The following KHDRBS2 variants were observed in gnomAD, a reference collection of about 807,000 sequenced individuals.
KHDRBS2 encodes KH domain-containing, RNA-binding, signal transduction-associated protein 2.
In KHDRBS2, 26 loss-of-function variants were observed where a neutral mutation model predicts 44.3. That is an observed-to-expected ratio of 0.59 (90% confidence interval 0.43 to 0.81). The LOEUF is 0.81. Among genes scored for constraint, KHDRBS2 ranks in the 40% least tolerant of loss-of-function variants. The pLI is 0.00. For synonymous variants in KHDRBS2, 194 were observed against 151.1 expected (o/e 1.28, Z -2.08); for missense variants, 476 against 433.1 (o/e 1.10, Z -0.88).
In KHDRBS2 at chr6:62,204,076, A is replaced by G. The variant is rs181991538; in HGVS notation, c.92-26764T>C. Among the ~76,000 whole-genome samples, 46 of 152,220 alleles carry G rather than the reference A, an allele frequency of 3.0e-4. 1 individual carries two copies. The highest frequency in any genetic ancestry group is 2.2e-3 in the Admixed American group (34 of 15,278). Reference sequence around the variant, plus strand: ...TTCCACCATGAGTGGAAGCAGCTTGAGGCCCTCACCAGAAGCAGATGCTGG... The same window carrying G: ...TTCCACCATGAGTGGAAGCAGCTTGGGGCCCTCACCAGAAGCAGATGCTGG... On this transcript the variant is annotated intron_variant, in intron 1 of 8. Coordinates refer to ENST00000281156, the MANE Select transcript of KHDRBS2 (RefSeq NM_152688.4).
chr6:61,833,634 A>T (rs1792183276), intron 6 of KHDRBS2, among the ~76,000 whole-genome samples: 1 of 152,120 alleles, frequency 6.6e-6, no homozygotes, highest in African/African-American at 2.4e-5. Flanking sequence ...ATCATTCATC[A>T]TTCGAGGTAG....
rs59518436 is a variant in KHDRBS2 at position 61,869,964 on chromosome 6, G to GTTTTTTTTTTTTTTTTTTTTTTTTTT, written c.810+24670_810+24671insAAAAAAAAAAAAAAAAAAAAAAAAAA. Among the ~76,000 whole-genome samples the GTTTTTTTTTTTTTTTTTTTTTTTTTT allele has an allele frequency of 2.0e-4, 22 of 109,012 alleles. 1 individual carries two copies. Among genetic ancestry groups the GTTTTTTTTTTTTTTTTTTTTTTTTTT allele is most frequent in the African/African-American group, 7.9e-4 (21 of 26,418 alleles). 71.5% of individuals were successfully genotyped at this position (109,012 alleles called of 152,430 possible). A position where few individuals can be genotyped will look rare whatever the true frequency, so the allele number is the denominator to read the frequency against. On this transcript the variant is annotated intron_variant, in intron 6 of 8. Coordinates refer to ENST00000281156, the MANE Select transcript of KHDRBS2 (RefSeq NM_152688.4). ...TAGACACCGAACTAGCTGCAGGAGT[G>GTTTTTTTTTTTTTTTTTTTTTTTTTT]TTTTTTTTTTTTTTTTTTTTTTTCC...
chr6:61,877,072 C>T (rs926211038), intron 6 of KHDRBS2, among the ~76,000 whole-genome samples: 2 of 151,998 alleles, frequency 1.3e-5, no homozygotes, highest in Non-Finnish European at 2.9e-5. Flanking sequence ...TTGTGTATAG[C>T]CACTTTTGTG....
chr6:61,576,893 A>G, the KHDRBS2 span, among the ~76,000 whole-genome samples: 1 of 152,122 alleles, frequency 6.6e-6, no homozygotes, highest in Non-Finnish European at 1.5e-5. Context: ...ACCTTTGGAG[A>G]AACTTAGCTT....
chr6:61,626,309 A>T, the KHDRBS2 span, among the ~76,000 whole-genome samples: 1 of 152,172 alleles, frequency 6.6e-6, no homozygotes, highest in African/African-American at 2.4e-5. Context: ...GATACATGTG[A>T]GTATTGTTGC....
At chr6:62,285,445 CA>C (rs1842353103) in intron 1 of KHDRBS2, among the ~76,000 whole-genome samples, 1 of 152,174 alleles carries the variant, frequency 6.6e-6, no homozygotes, top group East Asian at 1.9e-4. Flanking sequence ...CTAAATGCAG[CA>C]AAAAATAAAA....
rs566314950 is a variant in KHDRBS2 at position 62,124,972 on chromosome 6, T to C, written c.219+52213A>G. Reference sequence around the variant, plus strand: ...GTTATATCATATTGTGGTTTTAATTTGCATTTCTCTGATAATTAGGGACAC... The same window carrying C: ...GTTATATCATATTGTGGTTTTAATTCGCATTTCTCTGATAATTAGGGACAC... On this transcript the variant is annotated intron_variant, in intron 2 of 8. Coordinates refer to ENST00000281156, the MANE Select transcript of KHDRBS2 (RefSeq NM_152688.4). Among the ~76,000 whole-genome samples, 3 of 152,334 alleles carry C rather than the reference T, an allele frequency of 2.0e-5. No individual in the cohort carries two copies. The East Asian group carries it at 5.8e-4, about 29-fold the overall frequency.
chr6:61,949,853 T>A (rs986838139), intron 4 of KHDRBS2, among the ~76,000 whole-genome samples: 7 of 152,102 alleles, frequency 4.6e-5, no homozygotes, highest in African/African-American at 1.7e-4. Flanking sequence ...AATTATTTTA[T>A]CTCCCATTCT....
intron 3 of KHDRBS2, among the ~76,000 whole-genome samples, chr6:61,988,610 C>T (rs1445416402): frequency 1.3e-5 from 2 of 152,222 alleles, no homozygotes; most frequent in African/African-American, 2.4e-5. Context: ...TCTCTGGACT[C>T]GCAGAGGAAG....
chr6:61,786,204 G>A (rs1783786817), intron 6 of KHDRBS2, among the ~76,000 whole-genome samples: 1 of 151,866 alleles, frequency 6.6e-6, no homozygotes, highest in South Asian at 2.1e-4. Context: ...GAGAGAGAGA[G>A]AACAGAGGAA....
chr6:61,593,926 C>G, the KHDRBS2 span, among the ~76,000 whole-genome samples: 1 of 152,074 alleles, frequency 6.6e-6, no homozygotes, highest in African/African-American at 2.4e-5. Context: ...AGCTGAACAC[C>G]TCAAAGCAGC....
the KHDRBS2 span, among the ~76,000 whole-genome samples, chr6:61,614,066 C>T: frequency 2.6e-5 from 4 of 152,260 alleles, no homozygotes; most frequent in South Asian, 2.1e-4. Context: ...TTATTTTATT[C>T]GCTTCTTTAA....
intron 2 of KHDRBS2, among the ~76,000 whole-genome samples, chr6:62,049,948 C>T (rs1667043949): frequency 1.3e-5 from 2 of 152,012 alleles, no homozygotes; most frequent in Middle Eastern, 3.4e-3. Flanking sequence ...GGGTATATAC[C>T]CAAAGATCTA....
At chr6:61,989,906 A>T (rs548241675) in intron 3 of KHDRBS2, among the ~76,000 whole-genome samples, 1 of 152,148 alleles carries the variant, frequency 6.6e-6, no homozygotes, top group Non-Finnish European at 1.5e-5. Context: ...CCAAGTCTCA[A>T]CTAGTGACTG....
chr6:61,797,725 T>TG, intron 6 of KHDRBS2, among the ~76,000 whole-genome samples: 1 of 114,822 alleles, frequency 8.7e-6, no homozygotes, highest in East Asian at 2.4e-4. Flanking sequence ...GTATGGTGTT[T>TG]TGTGTGTGTG....
intron 6 of KHDRBS2, among the ~76,000 whole-genome samples, chr6:61,798,138 G>A (rs918537943): frequency 3.3e-5 from 5 of 151,996 alleles, no homozygotes; most frequent in African/African-American, 7.2e-5. Flanking sequence ...TCTGTTCTGC[G>A]TTAATTTGCA....
intron 2 of KHDRBS2, among the ~76,000 whole-genome samples, chr6:62,087,776 C>G (rs1046427661): frequency 6.6e-6 from 1 of 152,148 alleles, no homozygotes; most frequent in Non-Finnish European, 1.5e-5. Context: ...GGATAATATC[C>G]TGAAGAGTGT....
intron 6 of KHDRBS2, among the ~76,000 whole-genome samples, chr6:61,764,666 T>C (rs1390702861): frequency 1.3e-5 from 2 of 151,942 alleles, no homozygotes; most frequent in Admixed American, 6.5e-5. Context: ...GTTTGCTGTA[T>C]ATATGTCTTC....
the KHDRBS2 span, among the ~76,000 whole-genome samples, chr6:61,612,019 T>C: frequency 1.3e-5 from 2 of 152,236 alleles, no homozygotes; most frequent in East Asian, 3.8e-4. Flanking sequence ...TATGTGCTTG[T>C]ATACATGTGC....
Sources: allele counts gnomAD v4.1 joint callset (sites outside exome capture counted in the v4.1 genomes callset), GRCh38; gene constraint gnomAD v4.1.1; transcripts MANE v1.5; gene names NCBI Gene and HGNC (gene_info 2026-07-23, HGNC 2026-07-21).